NALF1: variants seen among roughly 807,000 people sequenced by gnomAD.
The protein encoded by NALF1 is NALCN channel auxiliary factor 1.
NALF1 carries 3 observed loss-of-function variants against 48.4 expected under a neutral mutation model. That is an observed-to-expected ratio of 0.06 (90% confidence interval 0.03 to 0.16). The LOEUF (loss-of-function observed/expected upper bound fraction) is 0.16. NALF1 is among the 10% of genes least tolerant of loss of function. The pLI, the probability that NALF1 is intolerant of heterozygous loss-of-function variation, is 1.00. For synonymous variants in NALF1, 262 were observed against 245.7 expected, an observed-to-expected ratio of 1.07 and a Z score of -0.62; for missense variants, 526 against 571.5, an observed-to-expected ratio of 0.92 and a Z score of 0.81.
In NALF1 at chr13:107,847,379, G is replaced by A. The variant is rs761441499; in HGVS notation, c.915+18303C>T. 1.3e-4 allele frequency among the ~76,000 whole-genome samples: 20 copies of A among 152,074 alleles called. 1 individual carries two copies. The highest frequency in any genetic ancestry group is 2.4e-4 in the Non-Finnish European group (16 of 68,018). On this transcript the variant is annotated intron_variant, in intron 1 of 2. Coordinates refer to ENST00000375915, the MANE Select transcript of NALF1 (RefSeq NM_001080396.3). ...GGATGTGCAAACAGTCTTTAAGGTG[G>A]GCCTCTGATTTTTCCTCTTGAAATT...
chr13:107,677,695 G>A (rs1216567099), intron 1 of NALF1, among the ~76,000 whole-genome samples: 2 of 152,016 alleles, frequency 1.3e-5, no homozygotes. Flanking sequence ...CATAAAGTAT[G>A]ATCAAAATAT....
chr13:107,317,229 T>A (rs1234597494), intron 1 of NALF1, among the ~76,000 whole-genome samples: 1 of 152,082 alleles, frequency 6.6e-6, no homozygotes, highest in Admixed American at 6.6e-5. Context: ...ATAACTATTT[T>A]CAAGAGTTAG....
Position 107,847,603 on chromosome 13 carries a change from G to C in NALF1, c.915+18079C>G, listed in dbSNP as rs75212490. ...GCCAGATTGTAAGCTACTTTGGAGA[G>C]GGTCACAGGCAAAGAAGTTAGAGAC... On this transcript the variant is annotated intron_variant, in intron 1 of 2. Transcript: ENST00000375915. 6.0e-3 allele frequency among the ~76,000 whole-genome samples: 917 copies of C among 152,324 alleles called. 7 individuals are homozygous for C. Among genetic ancestry groups the C allele is most frequent in the Non-Finnish European group, 9.8e-3 (668 of 68,036 alleles).
intron 1 of NALF1, among the ~76,000 whole-genome samples, chr13:107,283,906 A>G (rs1353962732): frequency 6.6e-6 from 1 of 151,946 alleles, no homozygotes; most frequent in Non-Finnish European, 1.5e-5. Flanking sequence ...TGATCCACCC[A>G]CCTCGGCCTC....
At chr13:107,857,418 G>A (rs910689084) in intron 1 of NALF1, among the ~76,000 whole-genome samples, 2 of 152,148 alleles carry the variant, frequency 1.3e-5, no homozygotes, top group Non-Finnish European at 2.9e-5. Context: ...CCTGACAGAC[G>A]ACATAACACA....
chr13:107,692,437 T>C (rs1350896433), intron 1 of NALF1, among the ~76,000 whole-genome samples: 1 of 151,400 alleles, frequency 6.6e-6, no homozygotes, highest in Non-Finnish European at 1.5e-5. Flanking sequence ...AAACACAAAC[T>C]TTTTTTTTCA....
chr13:107,692,314 C>T (rs1158034281), intron 1 of NALF1, among the ~76,000 whole-genome samples: 1 of 151,942 alleles, frequency 6.6e-6, no homozygotes, highest in East Asian at 1.9e-4. Flanking sequence ...GAATTTAGTA[C>T]ATCTAAAATA....
chr13:107,595,772 A>G (rs1279016738), intron 1 of NALF1, among the ~76,000 whole-genome samples: 1 of 152,166 alleles, frequency 6.6e-6, no homozygotes, highest in African/African-American at 2.4e-5. Flanking sequence ...ATAACTGCAA[A>G]ATCAAGGCTC....
chr13:107,738,263 C>A (rs199893724), intron 1 of NALF1, among the ~76,000 whole-genome samples: 1 of 152,108 alleles, frequency 6.6e-6, no homozygotes, highest in Non-Finnish European at 1.5e-5. Flanking sequence ...AGAATGTTCC[C>A]CCAATTGATA....
chr13:107,754,498 G>T (rs1178233943), intron 1 of NALF1, among the ~76,000 whole-genome samples: 9 of 151,858 alleles, frequency 5.9e-5, no homozygotes, highest in Admixed American at 5.2e-4. Context: ...TGGAAGGAAT[G>T]AAAGTGTTTT....
At chr13:107,691,667 T>C (rs1881571820) in intron 1 of NALF1, among the ~76,000 whole-genome samples, 1 of 152,234 alleles carries the variant, frequency 6.6e-6, no homozygotes, top group Non-Finnish European at 1.5e-5. Flanking sequence ...ATATGAATGT[T>C]GTGCTTTGAT....
At chr13:107,702,714 C>G (rs1244751963) in intron 1 of NALF1, among the ~76,000 whole-genome samples, 1 of 152,104 alleles carries the variant, frequency 6.6e-6, no homozygotes, top group Non-Finnish European at 1.5e-5. Context: ...CACAGTCCAA[C>G]AGGCCCCAGT....
intron 1 of NALF1, among the ~76,000 whole-genome samples, chr13:107,381,163 C>T (rs978413717): frequency 6.8e-6 from 1 of 146,052 alleles, no homozygotes; most frequent in Admixed American, 6.8e-5. Flanking sequence ...TTTAAAAGTT[C>T]GTTAGAATAG....
intron 2 of NALF1, among the ~76,000 whole-genome samples, chr13:107,198,724 G>C (rs1417633686): frequency 6.6e-6 from 1 of 152,150 alleles, no homozygotes. Context: ...CTCATTTCTG[G>C]GGCTAGATGT....
At chr13:107,674,195 T>C (rs1881060045) in intron 1 of NALF1, among the ~76,000 whole-genome samples, 1 of 151,518 alleles carries the variant, frequency 6.6e-6, no homozygotes, top group South Asian at 2.1e-4. Context: ...CCTGCCTCCA[T>C]GTTCTCTGCT....
At chr13:107,282,892 C>A (rs1279990876) in intron 1 of NALF1, among the ~76,000 whole-genome samples, 1 of 152,146 alleles carries the variant, frequency 6.6e-6, no homozygotes, top group African/African-American at 2.4e-5. Flanking sequence ...CTTGTTTATG[C>A]CACTAAGTTT....
intron 1 of NALF1, among the ~76,000 whole-genome samples, chr13:107,630,672 A>AG (rs1879812184): frequency 6.6e-6 from 1 of 152,138 alleles, no homozygotes; most frequent in Non-Finnish European, 1.5e-5. Context: ...TTGCATATAC[A>AG]GGTATGATCT....
At chr13:107,232,766 T>C (rs57382143) in intron 1 of NALF1, among the ~76,000 whole-genome samples, 1 of 152,296 alleles carries the variant, frequency 6.6e-6, no homozygotes, top group African/African-American at 2.4e-5. Context: ...CCTGGACAAT[T>C]AATAAAGCAA....
At position 107,387,936 on chromosome 13, in the gene NALF1, C is replaced by G. The variant is rs143474884; in HGVS notation, c.916-177181G>C. Among the ~76,000 whole-genome samples the G allele has an allele frequency of 2.0e-5, 3 of 152,156 alleles. No homozygotes were observed. The South Asian group carries it at 6.2e-4, about 31-fold the overall frequency. ...TTTTTGCTTTTCTTTCTTGTCTCTT[C>G]ATTCTCACTCATTAAAATGTACCAG... is the stretch of plus-strand genomic sequence containing the variant. On this transcript the variant is annotated intron_variant, in intron 1 of 2. Coordinates refer to ENST00000375915, the MANE Select transcript of NALF1 (RefSeq NM_001080396.3).
Sources: allele counts gnomAD v4.1 joint callset (sites outside exome capture counted in the v4.1 genomes callset), GRCh38; gene constraint gnomAD v4.1.1; transcripts MANE v1.5; gene names NCBI Gene and HGNC (gene_info 2026-07-23, HGNC 2026-07-21).